The following PRUNE2 variants were observed in gnomAD, a reference collection of about 807,000 sequenced individuals.
The protein encoded by PRUNE2 is prune homolog 2 with BCH domain.
PRUNE2 carries 164 observed loss-of-function variants against 252.0 expected under a neutral mutation model. That is an observed-to-expected ratio of 0.65 (90% CI 0.57 to 0.74). The LOEUF (loss-of-function observed/expected upper bound fraction) is 0.74, where lower values mean the gene tolerates loss of function less well. Ranked by LOEUF, PRUNE2 falls within the 30% of genes least tolerant of loss-of-function variation. The pLI, the probability that PRUNE2 is intolerant of heterozygous loss-of-function variation, is 0.00. For missense variants in PRUNE2, 3,495 were observed against 3,711.0 expected (o/e 0.94, Z 1.51); for synonymous variants, 1,292 against 1,350.2 (o/e 0.96, Z 0.94).
chr9:76,769,649 TC>T (rs2052871680), intron 6 of PRUNE2, among the ~76,000 whole-genome samples: 1 of 152,198 alleles, frequency 6.6e-6, no homozygotes, highest in African/African-American at 2.4e-5. Flanking sequence ...GGACTCGAAC[TC>T]CCGACATCAG....
chr9:76,690,095 T>C (rs540523261), intron 9 of PRUNE2, among the ~76,000 whole-genome samples: 3 of 152,350 alleles, frequency 2.0e-5, no homozygotes, highest in Admixed American at 6.5e-5. Flanking sequence ...AAGCATCTCA[T>C]GATTCCTGCC....
At chr9:76,809,905 C>A (rs1384262738) in intron 6 of PRUNE2, among the ~76,000 whole-genome samples, 1 of 152,100 alleles carries the variant, frequency 6.6e-6, no homozygotes, top group Non-Finnish European at 1.5e-5. Context: ...CCCTGGTGTC[C>A]CAAGGACACA....
intron 6 of PRUNE2, among the ~76,000 whole-genome samples, chr9:76,743,708 T>G (rs557540069): frequency 1.2e-4 from 19 of 152,368 alleles, no homozygotes; most frequent in South Asian, 1.0e-3. Context: ...ATACTATGAT[T>G]CTATTGCTAA....
At chr9:76,720,717 G>A (rs2047562453) in intron 6 of PRUNE2, among the ~76,000 whole-genome samples, 1 of 152,076 alleles carries the variant, frequency 6.6e-6, no homozygotes, top group African/African-American at 2.4e-5. Flanking sequence ...TTTGCCTTAT[G>A]TTCTCCATAA....
chr9:76,720,909 C>T (rs935238266), intron 6 of PRUNE2, among the ~76,000 whole-genome samples: 2 of 152,010 alleles, frequency 1.3e-5, no homozygotes, highest in African/African-American at 4.8e-5. Context: ...ATCAGGAGAT[C>T]GAGACCACGG....
intron 6 of PRUNE2, among the ~76,000 whole-genome samples, chr9:76,732,115 C>G (rs2048668424): frequency 6.6e-6 from 1 of 152,112 alleles, no homozygotes; most frequent in Non-Finnish European, 1.5e-5. Context: ...GAGATCAAGA[C>G]CATCCTGGCT....
intron 9 of PRUNE2, among the ~76,000 whole-genome samples, chr9:76,683,593 G>A (rs980559640): frequency 1.2e-4 from 19 of 152,066 alleles, no homozygotes; most frequent in African/African-American, 4.3e-4. Flanking sequence ...GCTTACATGT[G>A]GTATATTCTT....
intron 6 of PRUNE2, among the ~76,000 whole-genome samples, chr9:76,815,559 C>T (rs185743626): frequency 5.4e-4 from 83 of 152,306 alleles, no homozygotes; most frequent in Admixed American, 3.1e-3. Context: ...AATCACCTCC[C>T]TAGTCCCCTA....
At chr9:76,842,002 T>A (rs919408251) in intron 4 of PRUNE2, among the ~76,000 whole-genome samples, 2 of 152,104 alleles carry the variant, frequency 1.3e-5, no homozygotes, top group African/African-American at 4.8e-5. Context: ...ACTTTAAATT[T>A]CATATGGAAC....
At chr9:76,770,229 G>T (rs376383301) in intron 6 of PRUNE2, among the ~76,000 whole-genome samples, 50 of 152,110 alleles carry the variant, frequency 3.3e-4, no homozygotes, top group Admixed American at 1.1e-3. Flanking sequence ...CCTTACACTT[G>T]TTTTCATTTA....
chr9:76,898,062 C>T (rs1392417266), intron 1 of PRUNE2, among the ~76,000 whole-genome samples: 1 of 152,070 alleles, frequency 6.6e-6, no homozygotes, highest in Non-Finnish European at 1.5e-5. Flanking sequence ...AAACTGAGAC[C>T]CGGGGAGGCT....
At chr9:76,681,288 G>C (rs1459127028) in intron 9 of PRUNE2, among the ~76,000 whole-genome samples, 1 of 152,096 alleles carries the variant, frequency 6.6e-6, no homozygotes, top group Non-Finnish European at 1.5e-5. Flanking sequence ...GGGCCGGGGA[G>C]ATGGGGAAAT....
intron 1 of PRUNE2, among the ~76,000 whole-genome samples, chr9:76,870,802 TC>T (rs1325108977): frequency 2.0e-5 from 3 of 149,988 alleles, no homozygotes; most frequent in Admixed American, 2.0e-4. Context: ...CATCATCATA[TC>T]CCCATAACTG....
intron 6 of PRUNE2, among the ~76,000 whole-genome samples, chr9:76,767,460 AAAG>A (rs1405245002): frequency 1.2e-4 from 18 of 151,676 alleles, no homozygotes; most frequent in African/African-American, 2.7e-4. Flanking sequence ...TCAAAAAAAA[AAAG>A]AAAGAAAGAA....
intron 9 of PRUNE2, among the ~76,000 whole-genome samples, chr9:76,680,770 C>T (rs2043333896): frequency 6.6e-6 from 1 of 152,070 alleles, no homozygotes; most frequent in Non-Finnish European, 1.5e-5. Context: ...GCTGGGGAGG[C>T]CTCAGGAAAC....
At chr9:76,794,247 CGG>C (rs959437014) in intron 6 of PRUNE2, among the ~76,000 whole-genome samples, 12 of 152,128 alleles carry the variant, frequency 7.9e-5, no homozygotes, top group Admixed American at 1.3e-4. Flanking sequence ...TGGCAAATGG[CGG>C]AACCAGGATT....
intron 10 of PRUNE2, 126 bp from the exon 11 acceptor site, chr9:76,652,809 A>T (rs1302282482): frequency 1.5e-6 from 1 of 655,068 alleles, no homozygotes; most frequent in African/African-American, 1.8e-5. Context: ...GTGTCAAGGA[A>T]ATACTCACTG....
In PRUNE2 at chr9:76,762,279, T is replaced by C. The variant is rs369534055; in HGVS notation, c.757-48558A>G. On this transcript the variant is annotated intron_variant, in intron 6 of 18. Transcript: ENST00000376718. The stretch of plus-strand genomic sequence containing the variant: ...ATTTAACTTTTTTCCAAATCTTTAA[T>C]GACAATACTCTCTGTTATTTCATCA... 2.7e-4 allele frequency among the ~76,000 whole-genome samples: 41 copies of C among 152,340 alleles called. 1 individual carries two copies. In the South Asian group the frequency reaches 8.3e-3, roughly 31 times the overall value.
intron 12 of PRUNE2, among the ~76,000 whole-genome samples, chr9:76,640,034 A>G (rs568947566): frequency 1.3e-5 from 2 of 152,334 alleles, no homozygotes; most frequent in African/African-American, 2.4e-5. Context: ...AAGGGAAGCA[A>G]TGTGTGAATT....
Sources: gnomAD v4.1 joint callset for allele counts (sites outside exome capture counted in the v4.1 genomes callset) on GRCh38, gnomAD v4.1.1 for gene constraint, MANE v1.5 for transcripts, NCBI Gene and HGNC (gene_info 2026-07-23, HGNC 2026-07-21) for gene names.